Variants in MGLL observed in about 807,000 individuals in gnomAD.
MGLL encodes lysophospholipase homolog.
In MGLL, 7 loss-of-function variants were observed where a neutral mutation model predicts 29.1. That is an observed-to-expected ratio of 0.24 (90% CI 0.14 to 0.45). The LOEUF is 0.45. Among genes scored for constraint, MGLL ranks in the 20% least tolerant of loss-of-function variants. The pLI is 0.99. For missense variants in MGLL, 356 were observed against 413.6 expected (o/e 0.86, Z 1.21); for synonymous variants, 148 against 168.3 (o/e 0.88, Z 0.93).
chr3:127,762,376 A>G (rs1324565824), intron 3 of MGLL, among the ~76,000 whole-genome samples: 1 of 152,112 alleles, frequency 6.6e-6, no homozygotes, highest in African/African-American at 2.4e-5. Context: ...CTCAGCTCAC[A>G]AGACAGACTC....
chr3:127,712,064 T>A (rs2075725397), intron 5 of MGLL: 2 of 152,284 alleles, frequency 1.3e-5, no homozygotes, highest in African/African-American at 4.8e-5. Context: ...TGAGGCTTCA[T>A]CCTCACTGAA....
At chr3:127,822,540 G>A, upstream of MGLL, 2 of 593,180 alleles carry the variant, frequency 3.4e-6, no homozygotes, top group Admixed American at 3.1e-5. Context: ...TCCCCAGGGC[G>A]GGGAGCGGCG....
intron 3 of MGLL, among the ~76,000 whole-genome samples, chr3:127,726,440 TA>T (rs1447710366): frequency 1.3e-5 from 2 of 152,126 alleles, no homozygotes; most frequent in Admixed American, 6.5e-5. Flanking sequence ...TATTTTTTTT[TA>T]TTTTTTATTT....
At chr3:127,820,267 G>A (rs529623456) in intron 2 of MGLL, among the ~76,000 whole-genome samples, 20 of 152,250 alleles carry the variant, frequency 1.3e-4, no homozygotes, top group Non-Finnish European at 1.9e-4. Flanking sequence ...CAAAAGCAAC[G>A]GAGCAGAGAG....
chr3:127,732,745 G>A (rs1188947175), intron 3 of MGLL, among the ~76,000 whole-genome samples: 1 of 152,142 alleles, frequency 6.6e-6, no homozygotes, highest in African/African-American at 2.4e-5. Flanking sequence ...TCTAAGTGTG[G>A]GATACAATAG....
chr3:127,781,685 G>C lies in MGLL; in HGVS notation c.262+104C>G, dbSNP rs528225483. ...TTTTTTACTTTGAAACATCCGTGGG[G>C]AATAGAAGAATTGAGAAGGATGCTG... On this transcript the variant is annotated intron_variant, in intron 3 of 7. Coordinates refer to ENST00000265052, the MANE Select transcript of MGLL (RefSeq NM_007283.7). The C allele has an allele frequency of 1.4e-5, 15 of 1,047,098 alleles. No homozygotes were observed. In the African/African-American group the frequency reaches 1.7e-4, roughly 12 times the overall value. The allele number at this position is 1,047,098 out of a possible 1,614,324, so 64.9% of individuals were successfully genotyped here. A position where few individuals can be genotyped will look rare whatever the true frequency, so the allele number is the denominator to read the frequency against.
chr3:127,778,432 A>G (rs1230127489), intron 3 of MGLL, among the ~76,000 whole-genome samples: 2 of 152,214 alleles, frequency 1.3e-5, no homozygotes, highest in African/African-American at 4.8e-5. Context: ...GCCAGTCTAC[A>G]TTGTAGATGA....
intron 2 of MGLL, among the ~76,000 whole-genome samples, chr3:127,808,102 C>T (rs931436275): frequency 6.6e-6 from 1 of 152,058 alleles, no homozygotes; most frequent in Non-Finnish European, 1.5e-5. Context: ...GCTTTCTTAT[C>T]AAAAATTTTG....
At chr3:127,746,871 G>A (rs1369072510) in intron 3 of MGLL, among the ~76,000 whole-genome samples, 1 of 151,972 alleles carries the variant, frequency 6.6e-6, no homozygotes, top group Non-Finnish European at 1.5e-5. Context: ...CTGGGGAGGA[G>A]ATAACCCTGC....
At chr3:127,776,823 G>A (rs1022321727) in intron 3 of MGLL, among the ~76,000 whole-genome samples, 11 of 152,166 alleles carry the variant, frequency 7.2e-5, no homozygotes, top group Non-Finnish European at 1.2e-4. Context: ...CAGTCATTCA[G>A]CAAACACTGT....
chr3:127,785,506 A>C (rs1204519510), intron 2 of MGLL, among the ~76,000 whole-genome samples: 4 of 152,252 alleles, frequency 2.6e-5, no homozygotes, highest in Non-Finnish European at 1.5e-5. Flanking sequence ...ATGACTGAGC[A>C]CTGAGAAACC....
intron 3 of MGLL, among the ~76,000 whole-genome samples, chr3:127,726,026 C>T (rs1237212488): frequency 8.0e-5 from 12 of 149,154 alleles, no homozygotes; most frequent in Non-Finnish European, 8.9e-5. Flanking sequence ...GCTCGCACCA[C>T]TGCTCTCCAG....
chr3:127,807,953 G>A (rs916436761), intron 2 of MGLL, among the ~76,000 whole-genome samples: 1 of 151,716 alleles, frequency 6.6e-6, no homozygotes, highest in African/African-American at 2.4e-5. Flanking sequence ...GTAGGGATGC[G>A]ATTTCACCAT....
At chr3:127,805,810 G>C (rs903137192) in intron 2 of MGLL, among the ~76,000 whole-genome samples, 1 of 152,246 alleles carries the variant, frequency 6.6e-6, no homozygotes, top group African/African-American at 2.4e-5. Context: ...GGTGCTGTGA[G>C]AGTCAGGGAG....
At chr3:127,769,902 A>G (rs2076921175) in intron 3 of MGLL, among the ~76,000 whole-genome samples, 1 of 152,168 alleles carries the variant, frequency 6.6e-6, no homozygotes, top group South Asian at 2.1e-4. Flanking sequence ...TGCTCAGCTC[A>G]GTGACCGGCG....
chr3:127,716,261 T>A (rs969603561), intron 5 of MGLL, among the ~76,000 whole-genome samples: 1 of 152,198 alleles, frequency 6.6e-6, no homozygotes, highest in African/African-American at 2.4e-5. Context: ...CTCGAGAAAG[T>A]CTATGATCTC....
chr3:127,717,301 T>A (rs1267861577), intron 5 of MGLL, among the ~76,000 whole-genome samples: 1 of 152,206 alleles, frequency 6.6e-6, no homozygotes, highest in African/African-American at 2.4e-5. Context: ...GACATTCAGA[T>A]GGGAGTGGGC....
intron 6 of MGLL, among the ~76,000 whole-genome samples, chr3:127,701,982 T>G (rs1364365757): frequency 6.6e-6 from 1 of 152,132 alleles, no homozygotes; most frequent in Non-Finnish European, 1.5e-5. Flanking sequence ...TCAGTGGGCC[T>G]CTCTCAGAGC....
At chr3:127,818,484 C>T (rs1559990350) in intron 2 of MGLL, among the ~76,000 whole-genome samples, 1 of 152,024 alleles carries the variant, frequency 6.6e-6, no homozygotes, top group Non-Finnish European at 1.5e-5. Flanking sequence ...TCTGGGGCTA[C>T]AGATGTGTAC....
Sources: allele counts gnomAD v4.1 joint callset (sites outside exome capture counted in the v4.1 genomes callset), GRCh38; gene constraint gnomAD v4.1.1; transcripts MANE v1.5; gene names NCBI Gene and HGNC (gene_info 2026-07-23, HGNC 2026-07-21).